The following TCERG1L variants were observed in gnomAD, a reference collection of about 807,000 sequenced individuals.
TCERG1L encodes transcription elongation regulator 1 like, also known as transcription elongation regulator 1-like protein.
Under a neutral mutation model 56.3 loss-of-function variants are expected in TCERG1L, and 37 were observed. The observed-to-expected ratio is 0.66, with a 90% CI of 0.51 to 0.87. TCERG1L has a LOEUF of 0.87. Among genes scored for constraint, TCERG1L ranks in the 40% least tolerant of loss-of-function variants. TCERG1L has a pLI of 0.00. For synonymous variants in TCERG1L, 324 were observed against 326.3 expected (o/e 0.99, Z 0.08); for missense variants, 799 against 774.2 (o/e 1.03, Z -0.38).
rs1467166383 is a variant in TCERG1L, at chr10:131,118,456, C to T, written c.1260-1522G>A. Reference sequence around the variant, plus strand: ...TTCTCAGTAGGCCTAGGATTCTGAACTTCATGCTCACCTTTGCATTGCCCA... The same window carrying T: ...TTCTCAGTAGGCCTAGGATTCTGAATTTCATGCTCACCTTTGCATTGCCCA... On this transcript the variant is annotated intron_variant, in intron 8 of 11. Coordinates refer to ENST00000368642, the MANE Select transcript of TCERG1L (RefSeq NM_174937.4). The surrounding 1 kb of genome is among the most constrained non-coding windows in gnomAD (Gnocchi z 4.2). Among the ~76,000 whole-genome samples, 2 of 152,158 alleles carry T rather than the reference C, an allele frequency of 1.3e-5. No homozygotes were observed. The highest frequency in any genetic ancestry group is 1.5e-5 in the Non-Finnish European group (1 of 68,028).
At chr10:131,175,101 C>T (rs952518483) in intron 4 of TCERG1L, among the ~76,000 whole-genome samples, 8 of 152,182 alleles carry the variant, frequency 5.3e-5, no homozygotes, top group Non-Finnish European at 8.8e-5. Flanking sequence ...GAATGGCCTG[C>T]GGAGGTGGTG....
At position 131,155,637 on chromosome 10, in the gene TCERG1L, C is replaced by T. The variant is rs575784965; in HGVS notation, c.1034+7485G>A. The stretch of plus-strand genomic sequence containing the variant: ...TCTGATTTCTGATCTCCCCGCCAGT[C>T]GCCAGTGGAAGATGGATAGAACTGC... On this transcript the variant is annotated intron_variant, in intron 6 of 11. Coordinates refer to ENST00000368642, the MANE Select transcript of TCERG1L (RefSeq NM_174937.4). 1.6e-4 allele frequency among the ~76,000 whole-genome samples: 24 copies of T among 152,310 alleles called. No individual in the cohort carries two copies. In the South Asian group the frequency reaches 4.1e-3, roughly 26 times the overall value.
chr10:131,166,117 G>A (rs1480180135), intron 5 of TCERG1L, among the ~76,000 whole-genome samples: 2 of 152,212 alleles, frequency 1.3e-5, no homozygotes, highest in Non-Finnish European at 2.9e-5. Flanking sequence ...ACTACACCCT[G>A]ACAGAACTCA....
At chr10:131,111,401 G>T in intron 9 of TCERG1L, among the ~76,000 whole-genome samples, 1 of 142,910 alleles carries the variant, frequency 7.0e-6, no homozygotes, top group Non-Finnish European at 1.6e-5. Flanking sequence ...CACAAACCTG[G>T]TTACTTTTGC....
At chr10:131,281,865 G>A (rs1026042032) in intron 3 of TCERG1L, among the ~76,000 whole-genome samples, 4 of 152,150 alleles carry the variant, frequency 2.6e-5, no homozygotes, top group South Asian at 2.1e-4. Flanking sequence ...GGCCGGGCGC[G>A]GTGGCTCACG....
rs545283477 is a variant in TCERG1L, at chr10:131,135,972, C to T, written c.1190-1524G>A. Among the ~76,000 whole-genome samples the T allele has an allele frequency of 7.2e-5, 11 of 152,338 alleles. No individual in the cohort carries two copies. In the South Asian group the frequency reaches 8.3e-4, roughly 11 times the overall value. On this transcript the variant is annotated intron_variant, in intron 7 of 11. Transcript: ENST00000368642. Reference sequence around the variant, plus strand: ...GTCCTGAACCTGGCAGTGCTGACTCCGGAGCTGGACTGCTGTGCCCTGGGG... The same window carrying T: ...GTCCTGAACCTGGCAGTGCTGACTCTGGAGCTGGACTGCTGTGCCCTGGGG...
chr10:131,304,420 A>C (rs1436711822), intron 3 of TCERG1L, among the ~76,000 whole-genome samples: 1 of 151,956 alleles, frequency 6.6e-6, no homozygotes, highest in African/African-American at 2.4e-5. Flanking sequence ...ACATGTCCTA[A>C]GATGCAAGGT....
chr10:131,107,268 G>T (rs1000629217), intron 9 of TCERG1L, among the ~76,000 whole-genome samples: 10 of 152,176 alleles, frequency 6.6e-5, no homozygotes, highest in Admixed American at 5.9e-4. Flanking sequence ...AGGGAGAGAG[G>T]ATTAGACCCT....
chr10:131,170,240 C>T lies in TCERG1L; in HGVS notation c.857-3355G>A, dbSNP rs964978758. ...TTCCACCGTGGAAGTGCTTATTCTA[C>T]GGCTCTCCGGGGGCCACTTCCAGGG... On this transcript the variant is annotated intron_variant, in intron 4 of 11. Coordinates refer to ENST00000368642, the MANE Select transcript of TCERG1L (RefSeq NM_174937.4). Among the ~76,000 whole-genome samples the T allele has an allele frequency of 1.2e-4, 19 of 152,110 alleles. No homozygotes were observed. In the East Asian group the frequency reaches 1.9e-3, roughly 15 times the overall value.
intron 4 of TCERG1L, among the ~76,000 whole-genome samples, chr10:131,256,992 G>GGAAAGGAA (rs1846173458): frequency 3.4e-5 from 2 of 59,170 alleles, no homozygotes; most frequent in African/African-American, 1.1e-4. Context: ...AAGGAAGGAA[G>GGAAAGGAA]GAAAGAAAGA....
chr10:131,247,578 T>C (rs1291821824), intron 4 of TCERG1L, among the ~76,000 whole-genome samples: 1 of 150,906 alleles, frequency 6.6e-6, no homozygotes, highest in Admixed American at 6.6e-5. Context: ...TATCAGATGG[T>C]GAGAAGGACA....
In TCERG1L at chr10:131,267,657, G is replaced by C. The variant is rs1278312896; in HGVS notation, c.671-7213C>G. On this transcript the variant is annotated intron_variant, in intron 3 of 11. Coordinates refer to ENST00000368642, the MANE Select transcript of TCERG1L (RefSeq NM_174937.4). The surrounding 1 kb of genome is among the most constrained non-coding windows in gnomAD (Gnocchi z 4.9). ...GCTTATGGGCTCCCAGGACATGGCA[G>C]AGTGTGAGGTTGAAGCTGTGGCAGA... 1.3e-5 allele frequency among the ~76,000 whole-genome samples: 2 copies of C among 152,248 alleles called. No homozygotes were observed. The highest frequency in any genetic ancestry group is 4.8e-5 in the African/African-American group (2 of 41,468).
At chr10:131,171,443 T>A (rs1010014505) in intron 4 of TCERG1L, among the ~76,000 whole-genome samples, 2 of 152,126 alleles carry the variant, frequency 1.3e-5, no homozygotes, top group Non-Finnish European at 2.9e-5. Context: ...CTCAAAGGTA[T>A]CATCATCACC....
At chr10:131,298,599 A>T (rs1240997380) in intron 3 of TCERG1L, among the ~76,000 whole-genome samples, 1 of 152,154 alleles carries the variant, frequency 6.6e-6, no homozygotes, top group Non-Finnish European at 1.5e-5. Context: ...TTTTTAGTAG[A>T]GACAGGGTTT....
At chr10:131,277,586 C>T (rs557770331) in intron 3 of TCERG1L, among the ~76,000 whole-genome samples, 22 of 152,338 alleles carry the variant, frequency 1.4e-4, no homozygotes, top group South Asian at 8.3e-4. Flanking sequence ...GTCCAGCAGA[C>T]GGCCCTGCCC....
At chr10:131,231,133 G>A (rs1203112172) in intron 4 of TCERG1L, among the ~76,000 whole-genome samples, 2 of 152,166 alleles carry the variant, frequency 1.3e-5, no homozygotes, top group South Asian at 2.1e-4. Context: ...CAAGTGTACC[G>A]AGTTCCAAGC....
rs1298552439 is a variant in TCERG1L, at chr10:131,260,269, G to A, written c.846C>T (p.Ser282=). The A allele has an allele frequency of 6.6e-6, 9 of 1,366,522 alleles. No homozygotes were observed. In the East Asian group the frequency reaches 2.2e-4, roughly 34 times the overall value. 84.6% of individuals were successfully genotyped at this position (1,366,522 alleles called of 1,614,324 possible). ...LAPIKIPLRT[S]PVSDTRTERG... Reference sequence around the variant, plus strand: ...GCGCTCCGAGCCTACCTGAGACGGGGGACGTCCGGAGGGGTATTTTGATGG... The same window carrying A: ...GCGCTCCGAGCCTACCTGAGACGGGAGACGTCCGGAGGGGTATTTTGATGG... Residue 282 remains serine, a synonymous_variant, in exon 4 of 12, where the codon TCC becomes TCT. Coordinates refer to ENST00000368642, the MANE Select transcript of TCERG1L (RefSeq NM_174937.4). This position sits in a 1 kb window ranked among gnomAD's most constrained non-coding sequence, Gnocchi z 5.8.
At chr10:131,226,001 C>A (rs1845787648) in intron 4 of TCERG1L, among the ~76,000 whole-genome samples, 1 of 152,178 alleles carries the variant, frequency 6.6e-6, no homozygotes, top group South Asian at 2.1e-4. Context: ...GCAGTGGTGC[C>A]ATCATGGCTC....
At chr10:131,200,625 A>G (rs529303998) in intron 4 of TCERG1L, among the ~76,000 whole-genome samples, 5 of 152,196 alleles carry the variant, frequency 3.3e-5, no homozygotes, top group Non-Finnish European at 7.3e-5. Flanking sequence ...CCTCGGAATA[A>G]ATCACACTTT....
Sources: gnomAD v4.1 joint callset for allele counts (sites outside exome capture counted in the v4.1 genomes callset) on GRCh38, gnomAD v4.1.1 for gene constraint, Gnocchi (gnomAD v3.1) non-coding constraint, MANE v1.5 for transcripts, NCBI Gene and HGNC (gene_info 2026-07-23, HGNC 2026-07-21) for gene names.